CELF6: variants seen among roughly 807,000 people sequenced by gnomAD.
CELF6 encodes CUGBP Elav-like family member 6, also known as Bruno -like 6, RNA binding protein.
In CELF6, 32 loss-of-function variants were observed where a neutral mutation model predicts 53.1. That is an observed-to-expected ratio of 0.60 (90% CI 0.46 to 0.81). CELF6 has a LOEUF of 0.81. Ranked by LOEUF, CELF6 falls within the 30% of genes least tolerant of loss-of-function variation. CELF6 has a pLI of 0.00. For synonymous variants in CELF6, 291 were observed against 288.8 expected (o/e 1.01, Z -0.08); for missense variants, 539 against 669.5 (o/e 0.81, Z 2.15).
At chr15:72,313,765 C>G in intron 2 of CELF6, 1 of 980,528 alleles carries the variant, frequency 1.0e-6, no homozygotes, top group Middle Eastern at 5.3e-4. Context: ...TCATTTGCTC[C>G]CATGATTAGA....
chr15:72,289,127 G>C lies in CELF6; in HGVS notation c.1030+11C>G. On this transcript the variant is annotated intron_variant, in intron 8 of 12. Transcript: ENST00000287202. This position sits in a 1 kb window ranked among gnomAD's most constrained non-coding sequence, Gnocchi z 7.6. ...CATTTCGGGGGGATTTGGGCGGAGC[G>C]GGGGGCCCACCTGGATAAGGGGAGA... 6.6e-7 allele frequency: 1 copy of C among 1,513,664 alleles called. No individual in the cohort carries two copies. The highest frequency in any genetic ancestry group is 8.8e-7 in the Non-Finnish European group (1 of 1,137,598). 93.8% of individuals were successfully genotyped at this position (1,513,664 alleles called of 1,614,324 possible).
In CELF6 at chr15:72,319,523, T is replaced by C. The variant is rs1012230114; in HGVS notation, c.262+90A>G. The C allele has an allele frequency of 2.8e-6, 4 of 1,409,900 alleles. No homozygotes were observed. In the African/African-American group the frequency reaches 5.8e-5, roughly 21 times the overall value. 87.3% of individuals were successfully genotyped at this position (1,409,900 alleles called of 1,614,324 possible). On this transcript the variant is annotated intron_variant, in intron 1 of 12. Coordinates refer to ENST00000287202, the MANE Select transcript of CELF6 (RefSeq NM_052840.5). This position sits in a 1 kb window ranked among gnomAD's most constrained non-coding sequence, Gnocchi z 5.0. ...GATATTGGACTGGTGTTGGACTGGC[T>C]CTCGGCAGGGCTAGGGCTGGGGCTG...
Position 72,286,204 on chromosome 15 carries a change from T to C in CELF6, c.*167A>G, listed in dbSNP as rs1375325090. 6.6e-6 allele frequency: 1 copy of C among 152,594 alleles called. No individual in the cohort carries two copies. Among genetic ancestry groups the C allele is most frequent in the Non-Finnish European group, 1.5e-5 (1 of 68,044 alleles). The allele number at this position is 152,594 out of a possible 1,614,324, so 9.5% of individuals were successfully genotyped here. A position where few individuals can be genotyped will look rare whatever the true frequency, so the allele number is the denominator to read the frequency against. On this transcript the variant is annotated 3_prime_UTR_variant, in exon 13 of 13. Coordinates refer to ENST00000287202, the MANE Select transcript of CELF6 (RefSeq NM_052840.5). Reference sequence around the variant, plus strand: ...TGCAGGCACAGAACAACCCACTTGATAAAAACAATCCTTAGAGTGGCCTTA... The same window carrying C: ...TGCAGGCACAGAACAACCCACTTGACAAAAACAATCCTTAGAGTGGCCTTA...
At chr15:72,291,065 G>C (rs554113338) in intron 3 of CELF6, among the ~76,000 whole-genome samples, 1 of 152,244 alleles carries the variant, frequency 6.6e-6, no homozygotes, top group African/African-American at 2.4e-5. Context: ...CTCTTGCCCT[G>C]ATGCCTCCCA....
chr15:72,294,307 G>A lies in CELF6; in HGVS notation c.395-4052C>T, dbSNP rs185422613. On this transcript the variant is annotated intron_variant, in intron 3 of 12. Transcript: ENST00000287202. Reference sequence around the variant, plus strand: ...GAAATGTAATGATTGTAGGGACAGTGTAAGGAAAGGTCCAGCCTTCGGGTA... The same window carrying A: ...GAAATGTAATGATTGTAGGGACAGTATAAGGAAAGGTCCAGCCTTCGGGTA... Among the ~76,000 whole-genome samples the A allele has an allele frequency of 9.7e-4, 148 of 152,334 alleles. 2 individuals are homozygous for A. The highest frequency in any genetic ancestry group is 8.8e-3 in the Admixed American group (135 of 15,304).
intron 3 of CELF6, among the ~76,000 whole-genome samples, chr15:72,299,113 C>A (rs2088117300): frequency 6.6e-6 from 1 of 151,786 alleles, no homozygotes; most frequent in Admixed American, 6.6e-5. Flanking sequence ...GAGGGTGAGG[C>A]AGGAGAATCT....
chr15:72,313,197 G>A (rs897573277), intron 2 of CELF6, among the ~76,000 whole-genome samples: 5 of 152,202 alleles, frequency 3.3e-5, no homozygotes, highest in African/African-American at 9.7e-5. Flanking sequence ...CAGATTAGCT[G>A]GGCCCAAAGT....
intron 3 of CELF6, among the ~76,000 whole-genome samples, chr15:72,297,901 C>T (rs2088100731): frequency 6.6e-6 from 1 of 152,076 alleles, no homozygotes. Context: ...CTGAGCCAAG[C>T]CTAAGGAAAG....
In CELF6 at chr15:72,288,201, A is replaced by G. The variant is rs138135049; in HGVS notation, c.1318+107T>C. ...TTTGTGACCCTGTTTTGTGCCATAC[A>G]TTCAATCTCAGGAAATCACTGCATT... is the stretch of plus-strand genomic sequence containing the variant. On this transcript the variant is annotated intron_variant, in intron 11 of 12. Coordinates refer to ENST00000287202, the MANE Select transcript of CELF6 (RefSeq NM_052840.5). The surrounding 1 kb of genome is among the most constrained non-coding windows in gnomAD (Gnocchi z 4.6). 2.1e-3 allele frequency: 2,629 copies of G among 1,247,116 alleles called. 14 individuals carry two copies. The highest frequency in any genetic ancestry group is 2.8e-3 in the Non-Finnish European group (2,398 of 855,284). The allele number at this position is 1,247,116 out of a possible 1,614,324, so 77.3% of individuals were successfully genotyped here.
intron 2 of CELF6, among the ~76,000 whole-genome samples, chr15:72,310,362 A>G (rs1038448988): frequency 6.6e-6 from 1 of 152,048 alleles, no homozygotes; most frequent in Admixed American, 6.6e-5. Context: ...TGGTTCTAGA[A>G]TCTATATGGA....
Position 72,288,663 on chromosome 15 carries a change from C to T in CELF6, c.1094-45G>A. On this transcript the variant is annotated intron_variant, in intron 9 of 12. Transcript: ENST00000287202. The surrounding 1 kb of genome is among the most constrained non-coding windows in gnomAD (Gnocchi z 4.6). ...TGGACAGTGATCCCCAGGAGCCCTTCCCCAAGCAGGGCCCCAACTGCCTGG... is the reference window on the plus strand; with the variant it reads ...TGGACAGTGATCCCCAGGAGCCCTTTCCCAAGCAGGGCCCCAACTGCCTGG... 6.5e-7 allele frequency: 1 copy of T among 1,533,436 alleles called. No homozygotes were observed. Among genetic ancestry groups the T allele is most frequent in the East Asian group, 2.3e-5 (1 of 44,284 alleles). The allele number at this position is 1,533,436 out of a possible 1,614,324, so 95.0% of individuals were successfully genotyped here.
intron 2 of CELF6, among the ~76,000 whole-genome samples, chr15:72,313,477 A>C (rs957133910): frequency 1.3e-5 from 2 of 152,204 alleles, no homozygotes; most frequent in African/African-American, 4.8e-5. Context: ...TGTCTTGTGG[A>C]GGAGAGATTT....
At chr15:72,304,028 AC>A (rs1458250439) in intron 3 of CELF6, among the ~76,000 whole-genome samples, 1 of 151,434 alleles carries the variant, frequency 6.6e-6, no homozygotes, top group African/African-American at 2.4e-5. Context: ...CCACTACCAC[AC>A]CCGGCTAATT....
chr15:72,312,491 C>T (rs1028784104), intron 2 of CELF6, among the ~76,000 whole-genome samples: 3 of 151,904 alleles, frequency 2.0e-5, no homozygotes, highest in Admixed American at 6.6e-5. Flanking sequence ...TAGCTTGGCG[C>T]GGTGATGGGT....
intron 2 of CELF6, among the ~76,000 whole-genome samples, chr15:72,314,040 C>T (rs1203885791): frequency 6.6e-6 from 1 of 152,204 alleles, no homozygotes; most frequent in East Asian, 1.9e-4. Flanking sequence ...GATCCACACC[C>T]AGGTCTCTCT....
intron 12 of CELF6, among the ~76,000 whole-genome samples, chr15:72,286,794 C>T (rs890634805): frequency 2.0e-5 from 3 of 152,232 alleles, no homozygotes; most frequent in African/African-American, 7.2e-5. Flanking sequence ...ACTATCTCAG[C>T]CCTTACTTCT....
intron 3 of CELF6, 57 bp downstream of exon 3, chr15:72,304,689 G>T: frequency 6.6e-7 from 1 of 1,514,648 alleles, no homozygotes; most frequent in Non-Finnish European, 9.2e-7. Flanking sequence ...CTCCAGGTGT[G>T]GGCCCACCCT....
At position 72,289,439 on chromosome 15, in the gene CELF6, C is replaced by A; in HGVS notation, c.816G>T (p.Val272=). The A allele has an allele frequency of 6.5e-7, 1 of 1,544,640 alleles. No individual in the cohort carries two copies. The highest frequency in any genetic ancestry group is 8.7e-7 in the Non-Finnish European group (1 of 1,152,370). ...CCGCCACGTGTTGCATCTGGGCCGCCACTGCCGCCACCGGGCCTAGGCCTG... is the reference window on the plus strand; with the variant it reads ...CCGCCACGTGTTGCATCTGGGCCGCAACTGCCGCCACCGGGCCTAGGCCTG... The part of the protein sequence containing the change: ...QGPGLGPVAA[V]AAQMQHVAAF... Residue 272 remains valine, a synonymous_variant, in exon 7 of 13, where the codon GTG becomes GTT. Coordinates refer to ENST00000287202, the MANE Select transcript of CELF6 (RefSeq NM_052840.5). This position sits in a 1 kb window ranked among gnomAD's most constrained non-coding sequence, Gnocchi z 7.6.
In CELF6 at chr15:72,286,984, AACTGCTTC is replaced by A. The variant is rs1478482278; in HGVS notation, c.*28+245_*28+252del. 2.1e-4 allele frequency among the ~76,000 whole-genome samples: 32 copies of A among 152,322 alleles called. 1 individual carries two copies. The highest frequency in any genetic ancestry group is 2.0e-3 in the Admixed American group (30 of 15,304). On this transcript the variant is annotated intron_variant, in intron 12 of 12. Transcript: ENST00000287202. ...CTCTCATTGGCTGTCTCTGGAGTAG[AACTGCTTC>A]TCCAGGCAGAAAGACTCTGATTGTC...
Sources: allele counts gnomAD v4.1 joint callset (sites outside exome capture counted in the v4.1 genomes callset), GRCh38; gene constraint gnomAD v4.1.1; non-coding constraint Gnocchi (gnomAD v3.1); transcripts MANE v1.5; gene names NCBI Gene and HGNC (gene_info 2026-07-23, HGNC 2026-07-21).